Variants in CDKAL1 observed in about 807,000 individuals in gnomAD.
CDKAL1 encodes the protein CDKAL1 threonylcarbamoyladenosine tRNA methylthiotransferase.
CDKAL1 carries 32 observed loss-of-function variants against 68.2 expected under a neutral mutation model. The ratio of observed to expected loss-of-function variants is 0.47; its 90% CI spans 0.35 to 0.63. The LOEUF is 0.63. CDKAL1 is among the 30% of genes least tolerant of loss of function. CDKAL1 has a pLI of 0.00. For missense variants in CDKAL1, 606 were observed against 696.7 expected (o/e 0.87, Z 1.47); for synonymous variants, 234 against 244.3 (o/e 0.96, Z 0.39).
At chr6:20,827,239 T>C (rs1777538610) in intron 8 of CDKAL1, among the ~76,000 whole-genome samples, 1 of 152,210 alleles carries the variant, frequency 6.6e-6, no homozygotes, top group Admixed American at 6.5e-5. Context: ...CAAATCACTT[T>C]ACCTTTCCAT....
At chr6:21,084,025 C>T (rs1772563658) in intron 12 of CDKAL1, among the ~76,000 whole-genome samples, 1 of 152,108 alleles carries the variant, frequency 6.6e-6, no homozygotes, top group South Asian at 2.1e-4. Flanking sequence ...CTAGTTTCTT[C>T]ACTACGTAGT....
chr6:20,873,064 G>A (rs779428494), intron 9 of CDKAL1, among the ~76,000 whole-genome samples: 3 of 152,110 alleles, frequency 2.0e-5, no homozygotes, highest in Non-Finnish European at 2.9e-5. Context: ...ACAGCTGCCC[G>A]TTCCAAATTC....
intron 11 of CDKAL1, among the ~76,000 whole-genome samples, chr6:21,042,678 TG>T (rs2150897411): frequency 6.6e-6 from 1 of 152,288 alleles, no homozygotes; most frequent in South Asian, 2.1e-4. Context: ...AGTACTATCT[TG>T]TATTCTGTCA....
intron 4 of CDKAL1, among the ~76,000 whole-genome samples, chr6:20,634,345 C>T (rs1450672336): frequency 4.6e-5 from 7 of 152,114 alleles, no homozygotes; most frequent in Non-Finnish European, 1.0e-4. Flanking sequence ...TTCTCAATAA[C>T]GACTTATTTT....
chr6:20,888,300 T>C (rs762019265), intron 9 of CDKAL1, among the ~76,000 whole-genome samples: 12 of 151,708 alleles, frequency 7.9e-5, no homozygotes, highest in Non-Finnish European at 1.3e-4. Context: ...ACAAGGGACA[T>C]GAACTCATCC....
chr6:21,189,348 C>CA (rs1312082863), intron 13 of CDKAL1, among the ~76,000 whole-genome samples: 1 of 152,204 alleles, frequency 6.6e-6, no homozygotes, highest in Non-Finnish European at 1.5e-5. Flanking sequence ...CTAAGATACT[C>CA]ATGGCAATTA....
chr6:20,735,808 G>A (rs746372994), intron 5 of CDKAL1, among the ~76,000 whole-genome samples: 4 of 152,148 alleles, frequency 2.6e-5, no homozygotes, highest in Non-Finnish European at 5.9e-5. Context: ...CTATGTAAGT[G>A]CTAACCACAG....
chr6:21,123,759 C>A (rs547150502), intron 13 of CDKAL1, among the ~76,000 whole-genome samples: 1 of 152,204 alleles, frequency 6.6e-6, no homozygotes, highest in Non-Finnish European at 1.5e-5. Flanking sequence ...CAGTCACTAA[C>A]CCTTCACTTA....
intron 15 of CDKAL1, among the ~76,000 whole-genome samples, chr6:21,227,117 G>A (rs1468549780): frequency 6.6e-6 from 1 of 152,248 alleles, no homozygotes; most frequent in East Asian, 1.9e-4. Context: ...AGGTTTTAAA[G>A]GTTTAGGGAA....
At chr6:21,026,354 A>C (rs768506873) in intron 11 of CDKAL1, among the ~76,000 whole-genome samples, 7 of 152,082 alleles carry the variant, frequency 4.6e-5, no homozygotes, top group Non-Finnish European at 8.8e-5. Context: ...GGCTGTGAAA[A>C]CATTTGATTT....
At chr6:20,609,265 C>T (rs13206462) in intron 4 of CDKAL1, among the ~76,000 whole-genome samples, 81 of 59,836 alleles carry the variant, frequency 1.4e-3, no homozygotes, top group Middle Eastern at 7.8e-3. Context: ...TCCTTCCTTC[C>T]TCCTCCTTCT....
intron 9 of CDKAL1, among the ~76,000 whole-genome samples, chr6:20,913,733 T>A (rs908659496): frequency 6.6e-6 from 1 of 152,200 alleles, no homozygotes; most frequent in Non-Finnish European, 1.5e-5. Flanking sequence ...GTAATCTCAG[T>A]GCTTTGGGAA....
chr6:20,744,947 A>G (rs988273686), intron 6 of CDKAL1, among the ~76,000 whole-genome samples: 10 of 152,242 alleles, frequency 6.6e-5, no homozygotes, highest in Admixed American at 2.6e-4. Context: ...CTGCAAATTA[A>G]TAGACACGTT....
At chr6:20,601,647 A>G (rs1766100803) in intron 4 of CDKAL1, among the ~76,000 whole-genome samples, 1 of 152,196 alleles carries the variant, frequency 6.6e-6, no homozygotes, top group African/African-American at 2.4e-5. Flanking sequence ...GCATAGGTAT[A>G]CTAATTACAC....
At chr6:21,076,317 A>G (rs1011867832) in intron 12 of CDKAL1, among the ~76,000 whole-genome samples, 4 of 152,032 alleles carry the variant, frequency 2.6e-5, no homozygotes, top group Non-Finnish European at 5.9e-5. Flanking sequence ...ACATACAGTG[A>G]CTCTCCCAAA....
chr6:21,047,663 C>G (rs552051743), intron 11 of CDKAL1, among the ~76,000 whole-genome samples: 2 of 152,072 alleles, frequency 1.3e-5, no homozygotes, highest in Non-Finnish European at 2.9e-5. Context: ...CCTTGTCCAC[C>G]AGGTGCTTAT....
chr6:21,219,431 T>C (rs964723730), intron 15 of CDKAL1, among the ~76,000 whole-genome samples: 14 of 152,212 alleles, frequency 9.2e-5, no homozygotes, highest in Admixed American at 3.3e-4. Context: ...GTGTTTTCTA[T>C]TTGTGGTCAG....
At chr6:20,980,598 CA>C (rs1766093085) in intron 10 of CDKAL1, among the ~76,000 whole-genome samples, 2 of 152,128 alleles carry the variant, frequency 1.3e-5, no homozygotes, top group African/African-American at 4.8e-5. Context: ...TACATTTCAC[CA>C]AAACAGCATA....
intron 15 of CDKAL1, among the ~76,000 whole-genome samples, chr6:21,216,117 A>C (rs1779333107): frequency 6.6e-6 from 1 of 152,200 alleles, no homozygotes; most frequent in Admixed American, 6.5e-5. Flanking sequence ...CCCTAGAAGG[A>C]GTCCACATCA....
Sources: gnomAD v4.1 joint callset for allele counts (sites outside exome capture counted in the v4.1 genomes callset) on GRCh38, gnomAD v4.1.1 for gene constraint, MANE v1.5 for transcripts, NCBI Gene and HGNC (gene_info 2026-07-23, HGNC 2026-07-21) for gene names.